The following PTPRA variants were observed in gnomAD, a reference collection of about 807,000 sequenced individuals.
The protein encoded by PTPRA is receptor-type tyrosine-protein phosphatase alpha.
A neutral mutation model predicts 104.8 loss-of-function variants in PTPRA; 25 were observed. The ratio of observed to expected loss-of-function variants is 0.24; its 90% CI spans 0.17 to 0.33. The LOEUF is 0.33. Among genes scored for constraint, PTPRA ranks in the 10% least tolerant of loss-of-function variants. PTPRA has a pLI of 1.00. For synonymous variants in PTPRA, 323 were observed against 368.9 expected, an observed-to-expected ratio of 0.88 and a Z score of 1.43; for missense variants, 765 against 1,015.3, an observed-to-expected ratio of 0.75 and a Z score of 3.35.
chr20:2,965,836 G>C (rs550021748), intron 5 of PTPRA, among the ~76,000 whole-genome samples: 1 of 152,198 alleles, frequency 6.6e-6, no homozygotes, highest in Non-Finnish European at 1.5e-5. Flanking sequence ...AATCAGAGAC[G>C]TGGATCTGAG....
intron 20 of PTPRA, among the ~76,000 whole-genome samples, chr20:3,030,677 T>C (rs1456326222): frequency 2.0e-5 from 1 of 49,724 alleles, no homozygotes; most frequent in East Asian, 5.4e-4. Flanking sequence ...CTCCCTCTGC[T>C]TTTTTTTTTT....
At chr20:3,016,586 A>G (rs970119501) in intron 12 of PTPRA, among the ~76,000 whole-genome samples, 2 of 152,174 alleles carry the variant, frequency 1.3e-5, no homozygotes, top group East Asian at 3.9e-4. Context: ...CGTCTCTACT[A>G]AAAATTAGCC....
chr20:2,922,366 G>T (rs1292426126), intron 1 of PTPRA, among the ~76,000 whole-genome samples: 1 of 152,132 alleles, frequency 6.6e-6, no homozygotes, highest in African/African-American at 2.4e-5. Flanking sequence ...TTGAGATGGA[G>T]TCTCACTCTG....
intron 1 of PTPRA, among the ~76,000 whole-genome samples, chr20:2,912,491 G>T (rs1169119275): frequency 6.6e-6 from 1 of 152,112 alleles, no homozygotes; most frequent in Non-Finnish European, 1.5e-5. Flanking sequence ...GGGCATGGTG[G>T]CTCACGCCCG....
At chr20:2,865,491 A>C in the PTPRA span, 3 of 1,613,608 alleles carry the variant, frequency 1.9e-6, no homozygotes, top group Non-Finnish European at 2.5e-6. This position sits in a 1 kb window ranked among gnomAD's most constrained non-coding sequence, Gnocchi z 5.2. Context: ...CCCATTGGCT[A>C]CCTGGTGAGG....
intron 9 of PTPRA, among the ~76,000 whole-genome samples, chr20:2,994,121 G>A (rs1024035888): frequency 1.3e-5 from 2 of 152,204 alleles, no homozygotes; most frequent in African/African-American, 4.8e-5. Flanking sequence ...GACCCCAAAA[G>A]ATGCATTTCC....
rs143310703 is a variant in PTPRA, at chr20:2,925,772, G to A, written c.-50+2487G>A. Among the ~76,000 whole-genome samples, 736 of 152,224 alleles carry A rather than the reference G, an allele frequency of 4.8e-3. 7 individuals are homozygous for A. The highest frequency in any genetic ancestry group is 0.017 in the African/African-American group (692 of 41,536). ...AGAGGTTGCAGTGAGCCCAGATGGT[G>A]CTACTGCACTCCAGCCTGGGTGACA... On this transcript the variant is annotated intron_variant, in intron 2 of 23. Transcript: ENST00000399903.
intron 1 of PTPRA, among the ~76,000 whole-genome samples, chr20:2,901,368 G>A (rs1342135163): frequency 6.6e-6 from 1 of 152,164 alleles, no homozygotes; most frequent in African/African-American, 2.4e-5. Context: ...GTAATGGTGG[G>A]TGGGTAGCTG....
chr20:3,017,130 A>G (rs1253293175), intron 12 of PTPRA, among the ~76,000 whole-genome samples: 1 of 152,084 alleles, frequency 6.6e-6, no homozygotes, highest in African/African-American at 2.4e-5. Context: ...AGAAGTATAT[A>G]TCTTCTCTCA....
chr20:2,968,584 TG>T (rs1381535851), intron 5 of PTPRA, among the ~76,000 whole-genome samples: 4 of 152,012 alleles, frequency 2.6e-5, no homozygotes, highest in Non-Finnish European at 4.4e-5. Flanking sequence ...TCCTTTCTGT[TG>T]ATCTTTGCTT....
chr20:2,884,521 G>A (rs989481104), intron 1 of PTPRA, among the ~76,000 whole-genome samples: 1 of 152,164 alleles, frequency 6.6e-6, no homozygotes, highest in Non-Finnish European at 1.5e-5. Context: ...TTTCCATGAT[G>A]ATTTATGATG....
intron 1 of PTPRA, among the ~76,000 whole-genome samples, chr20:2,882,704 G>T (rs1470916406): frequency 1.3e-5 from 2 of 152,132 alleles, no homozygotes; most frequent in Non-Finnish European, 2.9e-5. Flanking sequence ...AATAGTAAAT[G>T]ATTGCCTTCA....
At chr20:2,928,179 A>T (rs967724110) in intron 2 of PTPRA, among the ~76,000 whole-genome samples, 13 of 152,014 alleles carry the variant, frequency 8.6e-5, no homozygotes, top group Non-Finnish European at 1.5e-4. Context: ...TCTGTTGCCC[A>T]GGCTGGAGTG....
chr20:3,027,054 G>A, intron 18 of PTPRA, 67 bp from the exon 19 acceptor site: 1 of 1,330,038 alleles, frequency 7.5e-7, no homozygotes, highest in Non-Finnish European at 1.1e-6. Flanking sequence ...CCTGAGGTGG[G>A]AGCAATGCAA....
chr20:2,987,437 T>C (rs1430838309), intron 7 of PTPRA, among the ~76,000 whole-genome samples: 1 of 152,060 alleles, frequency 6.6e-6, no homozygotes, highest in Non-Finnish European at 1.5e-5. Flanking sequence ...GGTGCATTTA[T>C]TCTCTTCCTG....
At chr20:2,985,106 T>G (rs116852959) in intron 6 of PTPRA, among the ~76,000 whole-genome samples, 2,226 of 152,336 alleles carry the variant, frequency 0.015, 118 homozygotes, top group Admixed American at 0.09. Flanking sequence ...GGCATGCAAT[T>G]GCTGGCCCAC....
intron 20 of PTPRA, among the ~76,000 whole-genome samples, chr20:3,028,183 C>CGG (rs200013759): frequency 4.7e-5 from 7 of 149,926 alleles, no homozygotes; most frequent in African/African-American, 1.7e-4. Context: ...GTGCCCCAGG[C>CGG]GGGGGGGGCA....
chr20:3,018,207 T>G lies in PTPRA; in HGVS notation c.1041+294T>G, dbSNP rs185908442. 7.0e-3 allele frequency among the ~76,000 whole-genome samples: 1,059 copies of G among 152,116 alleles called. 8 individuals are homozygous for G. The highest frequency in any genetic ancestry group is 0.011 in the Non-Finnish European group (727 of 68,016). ...AAGGAAAAGCCACAGAGGGGTTTTT[T>G]TTGTTGTTGTTTTGTTTTGTTTTGT... On this transcript the variant is annotated intron_variant, in intron 13 of 23. Transcript: ENST00000399903.
At chr20:2,891,625 A>G (rs182093252) in intron 1 of PTPRA, among the ~76,000 whole-genome samples, 1 of 152,330 alleles carries the variant, frequency 6.6e-6, no homozygotes, top group African/African-American at 2.4e-5. Flanking sequence ...TCATACACTT[A>G]TATGATAATT....
Sources: gnomAD v4.1 joint callset for allele counts (sites outside exome capture counted in the v4.1 genomes callset) on GRCh38, gnomAD v4.1.1 for gene constraint, Gnocchi (gnomAD v3.1) non-coding constraint, MANE v1.5 for transcripts, NCBI Gene and HGNC (gene_info 2026-07-23, HGNC 2026-07-21) for gene names.